Variants in FAT4 observed in about 807,000 individuals in gnomAD.
FAT4 encodes protocadherin Fat 4.
In FAT4, 84 loss-of-function variants were observed where a neutral mutation model predicts 303.9. The observed-to-expected ratio is 0.28, with a 90% CI of 0.23 to 0.33. The LOEUF is 0.33. Among genes scored for constraint, FAT4 ranks in the 10% least tolerant of loss-of-function variants. The pLI, the probability that FAT4 is intolerant of heterozygous loss-of-function variation, is 1.00. For synonymous variants in FAT4, 2,307 were observed against 2,298.8 expected (o/e 1.00, Z -0.10); for missense variants, 6,005 against 6,146.8 (o/e 0.98, Z 0.77).
chr4:125,317,415 G>T lies in FAT4; in HGVS notation c.1004G>T (p.Gly335Val). ...AMDRGVPSLTGRAEALIQLLD... is the reference protein window; with the variant it reads ...AMDRGVPSLTVRAEALIQLLD... Reference sequence around the variant, plus strand: ...GACAGAGGCGTGCCTTCCCTCACTGGGCGCGCCGAGGCGCTGATTCAGCTG... The same window carrying T: ...GACAGAGGCGTGCCTTCCCTCACTGTGCGCGCCGAGGCGCTGATTCAGCTG... The change falls in exon 2 of 18, where the codon GGG becomes GTG. Residue 335 changes from glycine (G) to valine (V), a missense_variant. Gly to Val is a moderately radical substitution (Grantham distance 109). Transcript: ENST00000394329. The surrounding 1 kb of genome is among the most constrained non-coding windows in gnomAD (Gnocchi z 7.0). 1 of 1,613,574 alleles carries T rather than the reference G, an allele frequency of 6.2e-7. No individual in the cohort carries two copies. Among genetic ancestry groups the T allele is most frequent in the South Asian group, 1.1e-5 (1 of 91,088 alleles).
intron 2 of FAT4, among the ~76,000 whole-genome samples, chr4:125,330,548 G>A (rs1235272496): frequency 6.6e-6 from 1 of 152,164 alleles, no homozygotes; most frequent in African/African-American, 2.4e-5. Flanking sequence ...GATTTATAAT[G>A]TTGATTATTG....
At chr4:125,429,168 C>A (rs965625435) in intron 7 of FAT4, among the ~76,000 whole-genome samples, 6 of 152,112 alleles carry the variant, frequency 3.9e-5, no homozygotes, top group Admixed American at 3.9e-4. Flanking sequence ...CTGACCCCAG[C>A]CTTAGGCTAA....
At position 125,317,962 on chromosome 4, in the gene FAT4, C is replaced by G. The variant is rs1376661526; in HGVS notation, c.1551C>G (p.Gly517=). 6.2e-7 allele frequency: 1 copy of G among 1,614,168 alleles called. No individual in the cohort carries two copies. The highest frequency in any genetic ancestry group is 8.5e-7 in the Non-Finnish European group (1 of 1,180,038). The change falls in exon 2 of 18, where the codon GGC becomes GGG. Residue 517 remains glycine (G), a synonymous_variant. Coordinates refer to ENST00000394329, the MANE Select transcript of FAT4 (RefSeq NM_001291303.3). The surrounding 1 kb of genome is among the most constrained non-coding windows in gnomAD (Gnocchi z 7.0). ...ATCTGCGTTACAGCATTGTCTCTGG[C>G]AATGGACTGGGATGGTTCCATATCA... is the stretch of plus-strand genomic sequence containing the variant. ...NANLRYSIVS[G]NGLGWFHISE...
chr4:125,403,559 C>T (rs780633120), intron 3 of FAT4, among the ~76,000 whole-genome samples: 6 of 151,992 alleles, frequency 3.9e-5, no homozygotes, highest in Non-Finnish European at 8.8e-5. Context: ...TCAACTGACA[C>T]CCACATAAAA....
intron 9 of FAT4, among the ~76,000 whole-genome samples, chr4:125,447,332 T>G (rs1345073683): frequency 6.6e-6 from 1 of 152,074 alleles, no homozygotes; most frequent in Non-Finnish European, 1.5e-5. Context: ...ACTTAACAGA[T>G]AGAGTTAACA....
intron 10 of FAT4, among the ~76,000 whole-genome samples, chr4:125,455,797 A>G (rs543447747): frequency 2.6e-5 from 4 of 152,382 alleles, no homozygotes; most frequent in Admixed American, 2.6e-4. Flanking sequence ...TAATCCTCAC[A>G]GAAAGCCTAT....
intron 17 of FAT4, 81 bp from the exon 18 acceptor site, chr4:125,489,820 C>G: frequency 8.2e-7 from 1 of 1,218,078 alleles, no homozygotes; most frequent in Non-Finnish European, 1.1e-6. Flanking sequence ...CTTCTCTTTA[C>G]AAGAACCCAG....
chr4:125,440,610 T>TGTGAGAGAGAGAGAGA (rs372756130), intron 8 of FAT4, among the ~76,000 whole-genome samples: 22 of 75,750 alleles, frequency 2.9e-4, no homozygotes, highest in Middle Eastern at 0.011. Context: ...TGTGTGTGTG[T>TGTGAGAGAGAGAGAGA]GAGAGAGAGA....
intron 12 of FAT4, among the ~76,000 whole-genome samples, chr4:125,472,057 A>G (rs548794199): frequency 2.3e-4 from 32 of 139,804 alleles, no homozygotes; most frequent in African/African-American, 5.6e-4. Context: ...TGGGTGACAG[A>G]GCAAGACTCT....
intron 2 of FAT4, among the ~76,000 whole-genome samples, chr4:125,369,025 G>GGA (rs1733001280): frequency 6.6e-6 from 1 of 152,096 alleles, no homozygotes; most frequent in Non-Finnish European, 1.5e-5. Context: ...ATATGCCAAG[G>GGA]GAGAGTCATA....
chr4:125,439,575 G>A (rs1258302433), intron 8 of FAT4, among the ~76,000 whole-genome samples: 3 of 151,574 alleles, frequency 2.0e-5, no homozygotes, highest in Non-Finnish European at 2.9e-5. Context: ...TTCTGATCTC[G>A]TGATCTGCCT....
In FAT4 at chr4:125,321,075, C is replaced by G. The variant is rs2125945465; in HGVS notation, c.4664C>G (p.Pro1555Arg). The G allele has an allele frequency of 1.2e-6, 2 of 1,614,146 alleles. No individual in the cohort carries two copies. The highest frequency in any genetic ancestry group is 1.7e-6 in the Non-Finnish European group (2 of 1,180,004). Residue 1555 changes from proline to arginine, a missense_variant, in exon 2 of 18, where the codon CCA becomes CGA. By Grantham distance (103) the Pro-to-Arg change is moderately radical. Transcript: ENST00000394329. ...CTGACAACAATTATGGCTGCTGACC[C>G]AGATGAAGGTGCTAATGGAGAAATA... ...SVLTTIMAAD[P>R]DEGANGEIEY...
chr4:125,411,064 G>T (rs1389133009), intron 5 of FAT4, among the ~76,000 whole-genome samples: 1 of 152,090 alleles, frequency 6.6e-6, no homozygotes, highest in East Asian at 1.9e-4. Flanking sequence ...GACAATATTA[G>T]TCAGACATTT....
chr4:125,387,156 G>A (rs376710678), intron 2 of FAT4, among the ~76,000 whole-genome samples: 1 of 152,152 alleles, frequency 6.6e-6, no homozygotes, highest in Non-Finnish European at 1.5e-5. Flanking sequence ...AACCAGTACC[G>A]GTCTGTGCCC....
In FAT4 at chr4:125,476,308, T is replaced by C. The variant is rs115877455; in HGVS notation, c.12299+52T>C. ...TATTATTACTTAAAATTTTTTAAAA[T>C]AAACTTTATACCTAAAAATAATTAT... On this transcript the variant is annotated intron_variant, in intron 13 of 17. Transcript: ENST00000394329. 1.8e-3 allele frequency: 1,805 copies of C among 982,376 alleles called. 25 individuals carry two copies. In the African/African-American group the frequency reaches 0.027, roughly 14 times the overall value. 60.9% of individuals were successfully genotyped at this position (982,376 alleles called of 1,614,324 possible).
chr4:125,455,499 C>T (rs79161211), intron 10 of FAT4, among the ~76,000 whole-genome samples: 8 of 152,254 alleles, frequency 5.3e-5, no homozygotes, highest in African/African-American at 1.9e-4. Flanking sequence ...GACATTATTA[C>T]ATTTAGTTCT....
intron 7 of FAT4, among the ~76,000 whole-genome samples, chr4:125,423,409 C>T: frequency 6.6e-6 from 1 of 152,158 alleles, no homozygotes; most frequent in Admixed American, 6.5e-5. Context: ...GGCCAAGGTT[C>T]AGCTCAGGCT....
chr4:125,463,747 T>C, intron 11 of FAT4, 80 bp downstream of exon 11: 2 of 777,338 alleles, frequency 2.6e-6, no homozygotes, highest in Non-Finnish European at 4.0e-6. Context: ...ATTATGAGTA[T>C]GAAAGACCAA....
chr4:125,414,523 C>T (rs1226456647), intron 5 of FAT4, among the ~76,000 whole-genome samples: 1 of 151,978 alleles, frequency 6.6e-6, no homozygotes, highest in Admixed American at 6.6e-5. Context: ...ATTTTATTAC[C>T]CTTTCTTGAA....
Sources: allele counts gnomAD v4.1 joint callset (sites outside exome capture counted in the v4.1 genomes callset), GRCh38; gene constraint gnomAD v4.1.1; non-coding constraint Gnocchi (gnomAD v3.1); transcripts MANE v1.5; gene names NCBI Gene and HGNC (gene_info 2026-07-23, HGNC 2026-07-21).